The following SH3RF3 variants were observed in gnomAD, a reference collection of about 807,000 sequenced individuals.
The protein encoded by SH3RF3 is E3 ubiquitin-protein ligase SH3RF3.
SH3RF3 carries 29 observed loss-of-function variants against 66.3 expected under a neutral mutation model. The ratio of observed to expected loss-of-function variants is 0.44; its 90% confidence interval spans 0.33 to 0.60. SH3RF3 has a LOEUF of 0.60. Ranked by LOEUF, SH3RF3 falls within the 20% of genes least tolerant of loss-of-function variation. The pLI is 0.04. For missense variants in SH3RF3, 1,194 were observed against 1,190.9 expected, an observed-to-expected ratio of 1.00 and a Z score of -0.04; for synonymous variants, 583 against 532.0, an observed-to-expected ratio of 1.10 and a Z score of -1.32.
chr2:109,416,574 G>T (rs773311337), intron 4 of SH3RF3, among the ~76,000 whole-genome samples: 1 of 151,626 alleles, frequency 6.6e-6, no homozygotes, highest in Non-Finnish European at 1.5e-5. Flanking sequence ...TAGTAGAGAC[G>T]GGGTTTCACC....
chr2:109,143,809 T>TAC (rs33913705), intron 1 of SH3RF3, among the ~76,000 whole-genome samples: 94,461 of 148,712 alleles, frequency 0.64, 32,407 homozygotes, highest in Non-Finnish European at 0.79. Context: ...CTGTGCTGTA[T>TAC]ACACACACAC....
intron 1 of SH3RF3, among the ~76,000 whole-genome samples, chr2:109,315,859 T>C (rs1360886952): frequency 2.0e-5 from 3 of 152,186 alleles, no homozygotes; most frequent in African/African-American, 7.2e-5. Flanking sequence ...CAGGACGTGA[T>C]CTAGGCATCA....
At chr2:109,392,038 A>G (rs1376822352) in intron 3 of SH3RF3, among the ~76,000 whole-genome samples, 1 of 151,614 alleles carries the variant, frequency 6.6e-6, no homozygotes, top group Non-Finnish European at 1.5e-5. Context: ...CTGATCTCGA[A>G]CTCCTGGACT....
intron 2 of SH3RF3, among the ~76,000 whole-genome samples, chr2:109,357,115 CAG>C (rs1461830174): frequency 1.3e-5 from 2 of 150,540 alleles, no homozygotes; most frequent in African/African-American, 4.9e-5. Flanking sequence ...CATAACATAT[CAG>C]AAAGTTCACT....
chr2:109,290,023 C>T (rs928022945), intron 1 of SH3RF3, among the ~76,000 whole-genome samples: 3 of 152,116 alleles, frequency 2.0e-5, no homozygotes, highest in East Asian at 1.9e-4. Context: ...ATGCAGATTC[C>T]GATTCTATAG....
chr2:109,305,502 C>A (rs1439362206), intron 1 of SH3RF3, among the ~76,000 whole-genome samples: 1 of 152,178 alleles, frequency 6.6e-6, no homozygotes, highest in Non-Finnish European at 1.5e-5. Flanking sequence ...TCTGGTCTCT[C>A]CACCTTACTT....
At chr2:109,448,678 A>G (rs1677777425) in intron 7 of SH3RF3, among the ~76,000 whole-genome samples, 1 of 152,228 alleles carries the variant, frequency 6.6e-6, no homozygotes, top group African/African-American at 2.4e-5. Context: ...TGTTATGGTG[A>G]GTTGTATACT....
intron 1 of SH3RF3, among the ~76,000 whole-genome samples, chr2:109,155,219 C>T (rs1387925803): frequency 6.6e-6 from 1 of 152,208 alleles, no homozygotes; most frequent in Admixed American, 6.5e-5. Flanking sequence ...CATCCATGGG[C>T]ACCTTGCATC....
At chr2:109,382,678 A>C (rs1315624239) in intron 3 of SH3RF3, among the ~76,000 whole-genome samples, 2 of 152,166 alleles carry the variant, frequency 1.3e-5, no homozygotes, top group Admixed American at 6.5e-5. Context: ...TCTGCCACTG[A>C]ATCTTCAGAA....
rs1043765070 is a variant in SH3RF3, at chr2:109,490,807, G to A, written c.2351G>A (p.Gly784Asp). 1.6e-5 allele frequency: 24 copies of A among 1,536,886 alleles called. No individual in the cohort carries two copies. The Admixed American group carries it at 3.1e-4, about 20-fold the overall frequency. Residue 784 changes from glycine (G) to aspartate (D), a missense_variant, in exon 9 of 10, where the codon GGT becomes GAT. Physicochemically the swap from Gly to Asp is moderately conservative, Grantham distance 94. Coordinates refer to ENST00000309415, the MANE Select transcript of SH3RF3 (RefSeq NM_001099289.3). The part of the protein sequence containing the change: ...GSCPIESEMQ[G>D]AMGMEPLHRK... ...TGCCCCATAGAGAGCGAGATGCAGG[G>A]TGCCATGGGGATGGAGCCTCTGCAC...
chr2:109,366,436 T>A (rs886752013), intron 2 of SH3RF3, among the ~76,000 whole-genome samples: 1 of 152,130 alleles, frequency 6.6e-6, no homozygotes, highest in African/African-American at 2.4e-5. Context: ...GTGTGGTGAG[T>A]TCACTACCAT....
At chr2:109,243,713 G>A (rs1348766382) in intron 1 of SH3RF3, among the ~76,000 whole-genome samples, 1 of 152,190 alleles carries the variant, frequency 6.6e-6, no homozygotes, top group Non-Finnish European at 1.5e-5. Context: ...GGGAGACTAA[G>A]GAGAGATTGA....
intron 1 of SH3RF3, among the ~76,000 whole-genome samples, chr2:109,279,752 C>T (rs532159161): frequency 6.0e-5 from 5 of 82,760 alleles, no homozygotes; most frequent in South Asian, 4.9e-4. Context: ...AGCAGTGACG[C>T]GAAACTTCGC....
At chr2:109,299,791 T>C (rs1192570945) in intron 1 of SH3RF3, among the ~76,000 whole-genome samples, 1 of 152,158 alleles carries the variant, frequency 6.6e-6, no homozygotes, top group East Asian at 1.9e-4. Flanking sequence ...GATGTGGCCG[T>C]GGTGTGGGCT....
At position 109,491,005 on chromosome 2, in the gene SH3RF3, G is replaced by C. The variant is rs979360135; in HGVS notation, c.2480+69G>C. 13 of 1,352,800 alleles carry C rather than the reference G, an allele frequency of 9.6e-6. No individual in the cohort carries two copies. In the Admixed American group the frequency reaches 1.8e-4, roughly 19 times the overall value. The allele number at this position is 1,352,800 out of a possible 1,614,324, so 83.8% of individuals were successfully genotyped here. On this transcript the variant is annotated intron_variant, in intron 9 of 9. Transcript: ENST00000309415. ...GCCTCTGAGGTCTGGAGCCACCTTC[G>C]GGGAGCAGGGACACTGTGGCCTTGC...
At chr2:109,187,706 C>G (rs990956957) in intron 1 of SH3RF3, among the ~76,000 whole-genome samples, 1 of 152,174 alleles carries the variant, frequency 6.6e-6, no homozygotes, top group Non-Finnish European at 1.5e-5. Context: ...ACTCATTTTT[C>G]AGAATATATT....
chr2:109,395,516 C>T (rs1485520527), intron 3 of SH3RF3, among the ~76,000 whole-genome samples: 4 of 151,466 alleles, frequency 2.6e-5, no homozygotes, highest in Admixed American at 1.3e-4. Context: ...GGAGCTCTTA[C>T]TTCTCCTGCC....
intron 1 of SH3RF3, among the ~76,000 whole-genome samples, chr2:109,320,215 C>A (rs1647238640): frequency 6.6e-6 from 1 of 152,188 alleles, no homozygotes; most frequent in Non-Finnish European, 1.5e-5. Context: ...CTCATTGACT[C>A]TAATTCCATT....
chr2:109,344,221 C>T (rs868650019), intron 1 of SH3RF3, among the ~76,000 whole-genome samples: 1 of 152,082 alleles, frequency 6.6e-6, no homozygotes, highest in Non-Finnish European at 1.5e-5. Context: ...GCCTTAGTGG[C>T]GTAGAAGCTA....
Sources: allele counts gnomAD v4.1 joint callset (sites outside exome capture counted in the v4.1 genomes callset), GRCh38; gene constraint gnomAD v4.1.1; transcripts MANE v1.5; gene names NCBI Gene and HGNC (gene_info 2026-07-23, HGNC 2026-07-21).